ZBTB43: variants seen among roughly 807,000 people sequenced by gnomAD.
ZBTB43 encodes zinc finger and BTB domain containing 43, also known as zinc finger and BTB domain-containing protein 43.
ZBTB43 carries 6 observed loss-of-function variants against 31.1 expected under a neutral mutation model. That is an observed-to-expected ratio of 0.19 (90% CI 0.11 to 0.38). The LOEUF is 0.38. Ranked by LOEUF, ZBTB43 falls within the 10% of genes least tolerant of loss-of-function variation. The pLI is 1.00. For synonymous variants in ZBTB43, 212 were observed against 221.7 expected, an observed-to-expected ratio of 0.96 and a Z score of 0.39; for missense variants, 379 against 602.1, an observed-to-expected ratio of 0.63 and a Z score of 3.88.
At chr9:126,818,719 T>C (rs1390068357) in intron 2 of ZBTB43, among the ~76,000 whole-genome samples, 1 of 152,220 alleles carries the variant, frequency 6.6e-6, no homozygotes, top group Admixed American at 6.5e-5. Flanking sequence ...GAGATCCCAC[T>C]TGCTGGTGGT....
chr9:126,823,941 T>C (rs774073460), intron 2 of ZBTB43, among the ~76,000 whole-genome samples: 1 of 152,236 alleles, frequency 6.6e-6, no homozygotes, highest in Non-Finnish European at 1.5e-5. Flanking sequence ...GTAATGTGTA[T>C]TAACATAAAT....
rs780632905 is a variant in ZBTB43, at chr9:126,817,100, C to CTT, written c.-24+8212_-24+8213dup. ...CAACTTGGCCCCATTTCCACTGTATCTTTTTTTTTTTTTTTTTTTTTTTTT... is the reference window on the plus strand; with the variant it reads ...CAACTTGGCCCCATTTCCACTGTATCTTTTTTTTTTTTTTTTTTTTTTTTTTT... On this transcript the variant is annotated intron_variant, in intron 2 of 2. Transcript: ENST00000373464. Among the ~76,000 whole-genome samples, 122 of 55,342 alleles carry CTT rather than the reference C, an allele frequency of 2.2e-3. 10 individuals are homozygous for CTT. The highest frequency in any genetic ancestry group is 5.9e-3 in the African/African-American group (83 of 14,112). 36.3% of individuals were successfully genotyped at this position (55,342 alleles called of 152,430 possible). A position where few individuals can be genotyped will look rare whatever the true frequency, so the allele number is the denominator to read the frequency against.
chr9:126,833,043 G>A lies in ZBTB43; in HGVS notation c.534G>A (p.Glu178=), dbSNP rs1474767475. 2 of 1,613,912 alleles carry A rather than the reference G, an allele frequency of 1.2e-6. No individual in the cohort carries two copies. The highest frequency in any genetic ancestry group is 2.2e-5 in the East Asian group (1 of 44,872). ...AACTGAGAGATGGTGAAAATGAAGA[G>A]GAGAGCACCAAAGACGAGCTGTCAT... is the stretch of plus-strand genomic sequence containing the variant. ...AQELRDGENE[E]ESTKDELSSQ... is the part of the protein sequence containing the mutation. The change falls in exon 3 of 3, where the codon GAG becomes GAA. Residue 178 remains glutamate (E), a synonymous_variant. Coordinates refer to ENST00000373464, the MANE Select transcript of ZBTB43 (RefSeq NM_014007.4). The surrounding 1 kb of genome is among the most constrained non-coding windows in gnomAD (Gnocchi z 7.9).
intron 2 of ZBTB43, among the ~76,000 whole-genome samples, chr9:126,823,275 T>A (rs1332316925): frequency 6.6e-6 from 1 of 152,362 alleles, no homozygotes; most frequent in East Asian, 1.9e-4. Context: ...TTACTTCATA[T>A]ATTTTAGAGT....
In ZBTB43 at chr9:126,836,683, A is replaced by G. The variant is rs1404727167; in HGVS notation, c.*2770A>G. On this transcript the variant is annotated 3_prime_UTR_variant, in exon 3 of 3. Coordinates refer to ENST00000373464, the MANE Select transcript of ZBTB43 (RefSeq NM_014007.4). ...GATGGTTGTGGGTAACATTGTTCAA[A>G]CAATCTTTCAGGGATCACGTCAATG... The G allele has an allele frequency of 1.2e-5, 2 of 167,038 alleles. No homozygotes were observed. Among genetic ancestry groups the G allele is most frequent in the African/African-American group, 2.4e-5 (1 of 41,424 alleles). The allele number at this position is 167,038 out of a possible 1,614,324, so 10.3% of individuals were successfully genotyped here.
intron 1 of ZBTB43, among the ~76,000 whole-genome samples, chr9:126,808,358 C>G (rs1276041393): frequency 6.6e-6 from 1 of 151,696 alleles, no homozygotes; most frequent in Non-Finnish European, 1.5e-5. Flanking sequence ...TAAAAAACAT[C>G]TTAAAATAGT....
chr9:126,820,294 T>C (rs923766901), intron 2 of ZBTB43, among the ~76,000 whole-genome samples: 2 of 152,174 alleles, frequency 1.3e-5, no homozygotes, highest in South Asian at 2.1e-4. Context: ...AGACAAGTTA[T>C]AACTCTCTCA....
intron 2 of ZBTB43, 26 bp downstream of exon 2, chr9:126,808,941 C>G (rs537093206): frequency 2.6e-5 from 4 of 152,280 alleles, no homozygotes; most frequent in Admixed American, 2.0e-4. Context: ...GATCACGATA[C>G]CATTTTTAAA....
At chr9:126,807,599 C>A (rs2032154553) in intron 1 of ZBTB43, among the ~76,000 whole-genome samples, 1 of 152,036 alleles carries the variant, frequency 6.6e-6, no homozygotes, top group Non-Finnish European at 1.5e-5. Flanking sequence ...TGAAGAGTAT[C>A]ATTTTCATGA....
At chr9:126,813,015 T>C (rs2119117160) in intron 2 of ZBTB43, among the ~76,000 whole-genome samples, 1 of 151,888 alleles carries the variant, frequency 6.6e-6, no homozygotes, top group East Asian at 1.9e-4. Flanking sequence ...AGTTTTGCTC[T>C]TGTTGCCCAG....
rs2032905230 is a variant in ZBTB43, at chr9:126,837,421, G to A, written c.*3508G>A. 6.0e-6 allele frequency: 1 copy of A among 167,168 alleles called. No homozygotes were observed. The highest frequency in any genetic ancestry group is 1.5e-5 in the Non-Finnish European group (1 of 68,168). 10.4% of individuals were successfully genotyped at this position (167,168 alleles called of 1,614,324 possible). A position where few individuals can be genotyped will look rare whatever the true frequency, so the allele number is the denominator to read the frequency against. On this transcript the variant is annotated 3_prime_UTR_variant, in exon 3 of 3. Transcript: ENST00000373464. ...TCTAACCACCGGGGAAAGCTGCTTA[G>A]CCTCCAGGGCTCCCTCCTTGAGAGG... is the stretch of plus-strand genomic sequence containing the variant.
chr9:126,816,882 T>TAA (rs1440162697), intron 2 of ZBTB43, among the ~76,000 whole-genome samples: 1 of 152,132 alleles, frequency 6.6e-6, no homozygotes, highest in Non-Finnish European at 1.5e-5. Flanking sequence ...CCCCTTATGT[T>TAA]AATATTTTTT....
intron 2 of ZBTB43, chr9:126,831,626 C>T (rs992487325): frequency 6.6e-6 from 1 of 151,872 alleles, no homozygotes; most frequent in Non-Finnish European, 1.5e-5. Context: ...AAGTGAGACC[C>T]CTGTCTCTAC....
At position 126,834,002 on chromosome 9, in the gene ZBTB43, T is replaced by A. The variant is rs2119173925; in HGVS notation, c.*89T>A. On this transcript the variant is annotated 3_prime_UTR_variant, in exon 3 of 3. Transcript: ENST00000373464. ...GGCACAGATGATGCGTGCTACTTGCTATTATGAGAGAAGCTTAAAAAAAAA... is the reference window on the plus strand; with the variant it reads ...GGCACAGATGATGCGTGCTACTTGCAATTATGAGAGAAGCTTAAAAAAAAA... The A allele has an allele frequency of 2.3e-6, 3 of 1,316,654 alleles. No individual in the cohort carries two copies. In the South Asian group the frequency reaches 5.6e-5, roughly 25 times the overall value. The allele number at this position is 1,316,654 out of a possible 1,614,324, so 81.6% of individuals were successfully genotyped here.
At chr9:126,824,097 G>A (rs1300159180) in intron 2 of ZBTB43, among the ~76,000 whole-genome samples, 4 of 151,884 alleles carry the variant, frequency 2.6e-5, no homozygotes, top group African/African-American at 7.3e-5. Flanking sequence ...CGCAATCTCC[G>A]CTCACTGCAA....
chr9:126,822,197 A>C (rs1008092426), intron 2 of ZBTB43, among the ~76,000 whole-genome samples: 2 of 134,176 alleles, frequency 1.5e-5, no homozygotes, highest in African/African-American at 5.7e-5. Context: ...CTCATCTGCT[A>C]TGGTTAGTGT....
At chr9:126,827,300 G>A (rs542906935) in intron 2 of ZBTB43, among the ~76,000 whole-genome samples, 1 of 152,294 alleles carries the variant, frequency 6.6e-6, no homozygotes, top group Non-Finnish European at 1.5e-5. Flanking sequence ...GCAGCCTGAG[G>A]GGGCCAAAAC....
upstream of ZBTB43, among the ~76,000 whole-genome samples, chr9:126,804,747 A>G (rs1485488627): frequency 6.6e-6 from 1 of 152,220 alleles, no homozygotes; most frequent in Non-Finnish European, 1.5e-5. Context: ...GGCCTCCCAA[A>G]GTGCAGGGAT....
chr9:126,820,955 A>C (rs2032494999), intron 2 of ZBTB43, among the ~76,000 whole-genome samples: 2 of 129,128 alleles, frequency 1.5e-5, no homozygotes, highest in South Asian at 5.6e-4. Flanking sequence ...TGACAAAGTG[A>C]GACCCCCATC....
Sources: gnomAD v4.1 joint callset for allele counts (sites outside exome capture counted in the v4.1 genomes callset) on GRCh38, gnomAD v4.1.1 for gene constraint, Gnocchi (gnomAD v3.1) non-coding constraint, MANE v1.5 for transcripts, NCBI Gene and HGNC (gene_info 2026-07-23, HGNC 2026-07-21) for gene names.